Variants in MEGF11 observed in about 807,000 individuals in gnomAD.
The protein encoded by MEGF11 is multiple epidermal growth factor-like domains protein 11.
A neutral mutation model predicts 146.6 loss-of-function variants in MEGF11; 126 were observed. The ratio of observed to expected loss-of-function variants is 0.86; its 90% confidence interval spans 0.74 to 1.00. The LOEUF (loss-of-function observed/expected upper bound fraction) is 1.00, where lower values mean the gene tolerates loss of function less well. MEGF11 is among the 50% of genes least tolerant of loss of function. The pLI, the probability that MEGF11 is intolerant of heterozygous loss-of-function variation, is 0.00. For synonymous variants in MEGF11, 532 were observed against 583.4 expected, an observed-to-expected ratio of 0.91 and a Z score of 1.27; for missense variants, 1,509 against 1,521.2, an observed-to-expected ratio of 0.99 and a Z score of 0.13.
chr15:65,940,178 G>A (rs1475870741), intron 10 of MEGF11, among the ~76,000 whole-genome samples: 1 of 152,190 alleles, frequency 6.6e-6, no homozygotes, highest in African/African-American at 2.4e-5. Flanking sequence ...GGCCTGTAGT[G>A]GCTCTGGTTG....
At chr15:66,204,455 C>T (rs574152677) in intron 1 of MEGF11, among the ~76,000 whole-genome samples, 30 of 152,146 alleles carry the variant, frequency 2.0e-4, no homozygotes, top group African/African-American at 6.7e-4. Context: ...CAGTTATAAA[C>T]CACGTTTCCA....
Position 66,094,528 on chromosome 15 carries a change from GAACA to G in MEGF11, c.302-38_302-35del, listed in dbSNP as rs1451544588. On this transcript the variant is annotated intron_variant, in intron 4 of 25. Transcript: ENST00000395614. ...ACATGGGGAGAGGGAGGAAGAACCAGAACAAACAGTGAAAACCAACCATCTGGTC... is the reference window on the plus strand; with the variant it reads ...ACATGGGGAGAGGGAGGAAGAACCAGAACAGTGAAAACCAACCATCTGGTC... The G allele has an allele frequency of 1.2e-5, 19 of 1,529,470 alleles. No individual in the cohort carries two copies. The African/African-American group carries it at 1.7e-4, about 13-fold the overall frequency. The allele number at this position is 1,529,470 out of a possible 1,614,324, so 94.7% of individuals were successfully genotyped here.
chr15:66,050,588 C>T (rs1005182114), intron 5 of MEGF11, among the ~76,000 whole-genome samples: 4 of 152,240 alleles, frequency 2.6e-5, no homozygotes, highest in African/African-American at 7.2e-5. Flanking sequence ...GGCTTCGGCT[C>T]TTACCCTGAG....
chr15:66,178,801 G>A (rs990100597), intron 1 of MEGF11, among the ~76,000 whole-genome samples: 2 of 152,126 alleles, frequency 1.3e-5, no homozygotes, highest in Admixed American at 6.5e-5. Context: ...AAGGAGAGTG[G>A]GGGTGGGGGA....
chr15:66,060,942 C>A (rs948016112), intron 5 of MEGF11, among the ~76,000 whole-genome samples: 1 of 152,240 alleles, frequency 6.6e-6, no homozygotes, highest in Non-Finnish European at 1.5e-5. Context: ...CTGCTGTGCC[C>A]AGGACCCATG....
At chr15:66,016,723 C>A (rs2082900129) in intron 5 of MEGF11, among the ~76,000 whole-genome samples, 1 of 152,174 alleles carries the variant, frequency 6.6e-6, no homozygotes, top group African/African-American at 2.4e-5. Context: ...AAGTGCTATA[C>A]AAGTATTTGA....
At chr15:66,082,505 C>A (rs1360684197) in intron 5 of MEGF11, among the ~76,000 whole-genome samples, 63 of 117,480 alleles carry the variant, frequency 5.4e-4, no homozygotes, top group South Asian at 1.6e-3. Context: ...ATCTATCTAT[C>A]TATCTATCTA....
intron 1 of MEGF11, among the ~76,000 whole-genome samples, chr15:66,171,223 A>G (rs2090245667): frequency 6.6e-6 from 1 of 152,204 alleles, no homozygotes; most frequent in Non-Finnish European, 1.5e-5. Context: ...GGGAAGGAGA[A>G]CACCAATGTT....
intron 1 of MEGF11, among the ~76,000 whole-genome samples, chr15:66,133,151 AATCT>A (rs1280973926): frequency 6.6e-6 from 1 of 152,224 alleles, no homozygotes; most frequent in African/African-American, 2.4e-5. Context: ...CAGAGACACC[AATCT>A]GGTGGCATCA....
At chr15:65,934,850 A>C (rs1309135381) in intron 10 of MEGF11, among the ~76,000 whole-genome samples, 1 of 152,172 alleles carries the variant, frequency 6.6e-6, no homozygotes, top group Non-Finnish European at 1.5e-5. Flanking sequence ...AGGGCATGGA[A>C]GCTCCATACC....
chr15:66,098,502 C>A (rs2086647421), intron 4 of MEGF11, among the ~76,000 whole-genome samples: 1 of 152,318 alleles, frequency 6.6e-6, no homozygotes, highest in East Asian at 1.9e-4. Context: ...ATAAAGACAA[C>A]TTCCACGCCC....
chr15:65,962,119 C>G (rs1596913559), intron 9 of MEGF11, among the ~76,000 whole-genome samples: 1 of 152,272 alleles, frequency 6.6e-6, no homozygotes, highest in East Asian at 1.9e-4. Flanking sequence ...CTTTAACTGT[C>G]TTAAGATTAG....
chr15:66,144,851 A>G (rs530110257), intron 1 of MEGF11, among the ~76,000 whole-genome samples: 23 of 152,238 alleles, frequency 1.5e-4, no homozygotes, highest in African/African-American at 5.1e-4. Context: ...CTCCCTATCT[A>G]TCTCCTCAGC....
chr15:66,186,791 TGAAAA>T (rs2090718516), intron 1 of MEGF11, among the ~76,000 whole-genome samples: 2 of 152,232 alleles, frequency 1.3e-5, no homozygotes, highest in Admixed American at 1.3e-4. Context: ...TGTTTGGCCA[TGAAAA>T]CAGACATGAT....
chr15:66,162,495 G>A (rs1416632013), intron 1 of MEGF11, among the ~76,000 whole-genome samples: 2 of 152,108 alleles, frequency 1.3e-5, no homozygotes, highest in Non-Finnish European at 2.9e-5. Context: ...CAAAAATGAC[G>A]TTATGCCAAG....
At position 66,148,886 on chromosome 15, in the gene MEGF11, A is replaced by G. The variant is rs183915247; in HGVS notation, c.-8-20475T>C. ...CACTTCACTCCCCTAGGGTCCCCCAAATGGCTGATTCCTGGACATGGCTCT... is the reference window on the plus strand; with the variant it reads ...CACTTCACTCCCCTAGGGTCCCCCAGATGGCTGATTCCTGGACATGGCTCT... On this transcript the variant is annotated intron_variant, in intron 1 of 25. Coordinates refer to ENST00000395614, the MANE Select transcript of MEGF11 (RefSeq NM_001385028.1). Among the ~76,000 whole-genome samples, 69 of 152,324 alleles carry G rather than the reference A, an allele frequency of 4.5e-4. No individual in the cohort carries two copies. In the East Asian group the frequency reaches 0.012, roughly 26 times the overall value.
chr15:65,908,348 G>T (rs2078693014), intron 23 of MEGF11, among the ~76,000 whole-genome samples: 1 of 152,126 alleles, frequency 6.6e-6, no homozygotes, highest in Admixed American at 6.5e-5. Context: ...GAGCCACATT[G>T]TAGGGAGGCC....
At chr15:66,174,045 G>A (rs1316286184) in intron 1 of MEGF11, among the ~76,000 whole-genome samples, 2 of 152,230 alleles carry the variant, frequency 1.3e-5, no homozygotes, top group African/African-American at 4.8e-5. Context: ...GGCACCTGGT[G>A]ATGGGTTGTC....
At chr15:65,984,879 C>G (rs1397453169) in intron 5 of MEGF11, among the ~76,000 whole-genome samples, 3 of 151,980 alleles carry the variant, frequency 2.0e-5, no homozygotes, top group East Asian at 3.9e-4. Flanking sequence ...AGCAATTCTC[C>G]TGCCTCAGCC....
Sources: allele counts gnomAD v4.1 joint callset (sites outside exome capture counted in the v4.1 genomes callset), GRCh38; gene constraint gnomAD v4.1.1; transcripts MANE v1.5; gene names NCBI Gene and HGNC (gene_info 2026-07-23, HGNC 2026-07-21).